Variants in MAML3 observed in about 807,000 individuals in gnomAD.
MAML3 encodes mastermind like transcriptional coactivator 3.
A neutral mutation model predicts 101.9 loss-of-function variants in MAML3; 27 were observed. The ratio of observed to expected loss-of-function variants is 0.27; its 90% CI spans 0.20 to 0.37. The LOEUF is 0.37. Among genes scored for constraint, MAML3 ranks in the 10% least tolerant of loss-of-function variants. MAML3 has a pLI of 1.00. For missense variants in MAML3, 1,316 were observed against 1,444.9 expected (o/e 0.91, Z 1.45); for synonymous variants, 501 against 555.9 (o/e 0.90, Z 1.39).
intron 1 of MAML3, among the ~76,000 whole-genome samples, chr4:140,148,438 A>G (rs1213513069): frequency 6.6e-6 from 1 of 152,260 alleles, no homozygotes; most frequent in Admixed American, 6.5e-5. Context: ...AAAAAAATAC[A>G]TATGAAGGAC....
intron 2 of MAML3, among the ~76,000 whole-genome samples, chr4:139,854,518 A>G (rs1731620282): frequency 6.6e-6 from 1 of 150,706 alleles, no homozygotes; most frequent in African/African-American, 2.5e-5. Context: ...TAGGTCTACC[A>G]TATCAGTGAT....
intron 1 of MAML3, among the ~76,000 whole-genome samples, chr4:140,068,950 A>G (rs774943328): frequency 6.6e-6 from 1 of 152,202 alleles, no homozygotes; most frequent in Admixed American, 6.5e-5. Flanking sequence ...AAACATTGAA[A>G]GAGTTGCTGA....
chr4:139,958,810 C>A (rs1475170896), intron 1 of MAML3, among the ~76,000 whole-genome samples: 1 of 152,158 alleles, frequency 6.6e-6, no homozygotes, highest in African/African-American at 2.4e-5. Context: ...AATATCAGGA[C>A]CAAAATGATA....
chr4:139,927,072 C>CTTTTTTTTTTT (rs61573991), intron 1 of MAML3, among the ~76,000 whole-genome samples: 5 of 134,730 alleles, frequency 3.7e-5, no homozygotes, highest in African/African-American at 1.4e-4. Context: ...TTTCTTTTTT[C>CTTTTTTTTTTT]TTTTTTTTTT....
Position 139,753,345 on chromosome 4 carries a change from T to A in MAML3, c.2080-22678A>T, listed in dbSNP as rs574716647. Reference sequence around the variant, plus strand: ...TTGCTTTTTTCTTTTCTTTTTAATCTATCTATCTATCTATCTATCTATCTA... The same window carrying A: ...TTGCTTTTTTCTTTTCTTTTTAATCAATCTATCTATCTATCTATCTATCTA... On this transcript the variant is annotated intron_variant, in intron 2 of 4. Coordinates refer to ENST00000509479, the MANE Select transcript of MAML3 (RefSeq NM_018717.5). Among the ~76,000 whole-genome samples, 411 of 119,898 alleles carry A rather than the reference T, an allele frequency of 3.4e-3. 4 individuals are homozygous for A. Among genetic ancestry groups the A allele is most frequent in the Admixed American group, 0.024 (306 of 12,650 alleles). 78.7% of individuals were successfully genotyped at this position (119,898 alleles called of 152,430 possible).
At chr4:139,772,623 G>A (rs1326255906) in intron 2 of MAML3, among the ~76,000 whole-genome samples, 1 of 151,858 alleles carries the variant, frequency 6.6e-6, no homozygotes, top group Non-Finnish European at 1.5e-5. Flanking sequence ...GATTACAGGT[G>A]TGAGCCACTG....
At chr4:139,906,079 A>G (rs1043446905) in intron 1 of MAML3, among the ~76,000 whole-genome samples, 5 of 152,160 alleles carry the variant, frequency 3.3e-5, no homozygotes, top group African/African-American at 9.7e-5. Context: ...ATTGGTTCAG[A>G]GTTTAACAAT....
intron 1 of MAML3, among the ~76,000 whole-genome samples, chr4:139,982,105 C>A (rs1046659451): frequency 2.0e-5 from 3 of 152,210 alleles, no homozygotes; most frequent in Non-Finnish European, 4.4e-5. Flanking sequence ...AGATTCTACA[C>A]AAATTATTTG....
intron 1 of MAML3, among the ~76,000 whole-genome samples, chr4:140,057,935 C>A (rs572034097): frequency 2.7e-5 from 4 of 145,516 alleles, no homozygotes; most frequent in Non-Finnish European, 4.5e-5. Context: ...AAGGCCCCCA[C>A]CGCCACCACC....
chr4:139,976,380 G>A lies in MAML3; in HGVS notation c.469-85413C>T, dbSNP rs10857343. Among the ~76,000 whole-genome samples, 42 of 152,180 alleles carry A rather than the reference G, an allele frequency of 2.8e-4. 1 individual carries two copies. Among genetic ancestry groups the A allele is most frequent in the African/African-American group, 8.4e-4 (35 of 41,528 alleles). ...TCTTGGAAATGGAAAAAGCAAGAGG[G>A]GATGTGATGAAGTCTTTACCAGTCT... On this transcript the variant is annotated intron_variant, in intron 1 of 4. Transcript: ENST00000509479.
chr4:139,747,193 C>T (rs984546101), intron 2 of MAML3, among the ~76,000 whole-genome samples: 3 of 152,096 alleles, frequency 2.0e-5, no homozygotes, highest in Admixed American at 6.5e-5. Flanking sequence ...TCTATTTGAA[C>T]CCTTAAAGCT....
chr4:139,921,496 AGG>A (rs1733129950), intron 1 of MAML3, among the ~76,000 whole-genome samples: 1 of 152,134 alleles, frequency 6.6e-6, no homozygotes, highest in Non-Finnish European at 1.5e-5. Flanking sequence ...AGAAAGAGGG[AGG>A]GGGGCTGCTG....
rs116651274 is a variant in MAML3 at position 139,890,843 on chromosome 4, G to T, written c.593C>A (p.Ala198Glu). 2 of 1,613,898 alleles carry T rather than the reference G, an allele frequency of 1.2e-6. No individual in the cohort carries two copies. Among genetic ancestry groups the T allele is most frequent in the Non-Finnish European group, 1.7e-6 (2 of 1,179,838 alleles). Residue 198 changes from alanine (A) to glutamate (E), a missense_variant, in exon 2 of 5, where the codon GCG (alanine) becomes GAG (glutamate). Physicochemically the swap from Ala to Glu is moderately radical, Grantham distance 107 (BLOSUM62 -1). Transcript: ENST00000509479. This position sits in a 1 kb window ranked among gnomAD's most constrained non-coding sequence, Gnocchi z 4.1. ...CAAATTGTTGATGGCTTCCATCCCC[G>T]CAGAAATGTCCTTTCGAATTCGTTT... The part of the protein sequence containing the change: ...TSKRIRKDIS[A>E]GMEAINNLPS...
At chr4:139,797,784 C>T (rs919650682) in intron 2 of MAML3, among the ~76,000 whole-genome samples, 1 of 151,984 alleles carries the variant, frequency 6.6e-6, no homozygotes, top group Non-Finnish European at 1.5e-5. Context: ...AGATGTAACA[C>T]CCAGTGCAAT....
At chr4:139,771,144 T>C (rs1054738898) in intron 2 of MAML3, among the ~76,000 whole-genome samples, 1 of 152,234 alleles carries the variant, frequency 6.6e-6, no homozygotes, top group African/African-American at 2.4e-5. Context: ...GTTTATAAAA[T>C]GGCAGTGATG....
chr4:139,889,995 G>C lies in MAML3; in HGVS notation c.1441C>G (p.Leu481Val). ...MAAQQQQRAK[L>V]MQQKQQQQQQ... ...TGCTGTTGCTGTTTCTGCTGCATGA[G>C]TTTGGCCCTTTGTTGCTGCTGTGCA... The change falls in exon 2 of 5, where the codon CTC (leucine) becomes GTC (valine). Residue 481 changes from leucine (L) to valine (V), a missense_variant. Transcript: ENST00000509479. 1 of 1,612,574 alleles carries C rather than the reference G, an allele frequency of 6.2e-7. No homozygotes were observed. Among genetic ancestry groups the C allele is most frequent in the Non-Finnish European group, 8.5e-7 (1 of 1,179,126 alleles).
intron 1 of MAML3, among the ~76,000 whole-genome samples, chr4:139,974,463 G>A (rs1734293832): frequency 6.6e-6 from 1 of 152,094 alleles, no homozygotes; most frequent in Admixed American, 6.6e-5. Flanking sequence ...ACTATTATAG[G>A]AGATTTTGGA....
At chr4:139,921,317 C>T (rs1733126552) in intron 1 of MAML3, among the ~76,000 whole-genome samples, 2 of 152,134 alleles carry the variant, frequency 1.3e-5, no homozygotes, top group South Asian at 2.1e-4. Flanking sequence ...GGCTGGCACA[C>T]GTGAAATCTG....
chr4:139,736,913 C>T (rs1597906), intron 2 of MAML3, among the ~76,000 whole-genome samples: 1 of 152,152 alleles, frequency 6.6e-6, no homozygotes, highest in East Asian at 1.9e-4. Flanking sequence ...GCAAAATTTC[C>T]TGCTTTGGAA....
Sources: gnomAD v4.1 joint callset for allele counts (sites outside exome capture counted in the v4.1 genomes callset) on GRCh38, gnomAD v4.1.1 for gene constraint, Gnocchi (gnomAD v3.1) non-coding constraint, MANE v1.5 for transcripts, NCBI Gene and HGNC (gene_info 2026-07-23, HGNC 2026-07-21) for gene names.